Variants in CSMD1 observed in about 807,000 individuals in gnomAD.
The protein encoded by CSMD1 is CUB and sushi domain-containing protein 1.
Under a neutral mutation model 417.5 loss-of-function variants are expected in CSMD1, and 213 were observed. That is an observed-to-expected ratio of 0.51 (90% CI 0.46 to 0.57). The LOEUF (loss-of-function observed/expected upper bound fraction) is 0.57, where lower values mean the gene tolerates loss of function less well. Among genes scored for constraint, CSMD1 ranks in the 20% least tolerant of loss-of-function variants. CSMD1 has a pLI of 0.00. For synonymous variants in CSMD1, 2,862 were observed against 1,736.8 expected, an observed-to-expected ratio of 1.65 and a Z score of -16.11; for missense variants, 6,923 against 4,529.7, an observed-to-expected ratio of 1.53 and a Z score of -15.17.
intron 5 of CSMD1, among the ~76,000 whole-genome samples, chr8:3,996,403 G>C (rs188282953): frequency 6.6e-6 from 1 of 152,066 alleles, no homozygotes; most frequent in East Asian, 1.9e-4. Context: ...GATTAGTAGA[G>C]CATATGTACT....
chr8:4,527,109 C>G (rs964833852), intron 2 of CSMD1, among the ~76,000 whole-genome samples: 41 of 152,094 alleles, frequency 2.7e-4, no homozygotes, highest in Admixed American at 3.9e-4. Flanking sequence ...AGGATTCTAA[C>G]TTGCTTTTAC....
At chr8:4,108,824 A>T (rs930144803) in intron 3 of CSMD1, among the ~76,000 whole-genome samples, 2 of 152,242 alleles carry the variant, frequency 1.3e-5, no homozygotes, top group African/African-American at 2.4e-5. Context: ...GGCAAAGACC[A>T]GCAGAGTTCT....
intron 11 of CSMD1, among the ~76,000 whole-genome samples, chr8:3,493,269 G>C (rs992301438): frequency 7.0e-6 from 1 of 143,818 alleles, no homozygotes; most frequent in Admixed American, 7.1e-5. Flanking sequence ...ACTGCAGCCT[G>C]GGTGATAGAG....
intron 5 of CSMD1, among the ~76,000 whole-genome samples, chr8:3,843,699 C>A (rs984196942): frequency 2.0e-5 from 3 of 152,158 alleles, no homozygotes; most frequent in Admixed American, 1.3e-4. Flanking sequence ...GTGGGTGGAA[C>A]ACAGACCTAG....
chr8:3,759,001 T>G (rs1797836634), intron 5 of CSMD1, among the ~76,000 whole-genome samples: 1 of 152,170 alleles, frequency 6.6e-6, no homozygotes, highest in African/African-American at 2.4e-5. Flanking sequence ...GCTGATACCT[T>G]TATAACTGGA....
intron 2 of CSMD1, among the ~76,000 whole-genome samples, chr8:4,554,431 G>A (rs931516591): frequency 1.2e-4 from 18 of 152,252 alleles, no homozygotes; most frequent in Admixed American, 5.9e-4. Context: ...ACAGGCCACC[G>A]CGCCCAGACA....
At chr8:3,252,523 CTTT>C (rs1025912883) in intron 26 of CSMD1, among the ~76,000 whole-genome samples, 1 of 152,108 alleles carries the variant, frequency 6.6e-6, no homozygotes, top group Admixed American at 6.5e-5. Flanking sequence ...CTAAAATTCT[CTTT>C]TTTTGTTGTG....
chr8:3,227,048 A>C (rs1798548018), intron 27 of CSMD1, among the ~76,000 whole-genome samples: 1 of 152,148 alleles, frequency 6.6e-6, no homozygotes, highest in African/African-American at 2.4e-5. Flanking sequence ...GTCAGAGAAA[A>C]CATTAATAAA....
Position 3,214,684 on chromosome 8 carries a change from T to G in CSMD1, c.4680A>C (p.Pro1560=). 1.3e-6 allele frequency: 2 copies of G among 1,550,026 alleles called. No homozygotes were observed. Among genetic ancestry groups the G allele is most frequent in the Non-Finnish European group, 1.7e-6 (2 of 1,146,248 alleles). Residue 1560 remains proline, a synonymous_variant, in exon 30 of 70, where the codon CCA becomes CCC. Transcript: ENST00000635120. ...TTCCTGGGTCAAAACAAGCTTCCCGTGGTTTCTCTGTGGAAGAAATGAATG... is the reference window on the plus strand; with the variant it reads ...TTCCTGGGTCAAAACAAGCTTCCCGGGGTTTCTCTGTGGAAGAAATGAATG... ...SGFAIEFKEK[P]REACFDPGNI...
At chr8:4,674,551 T>C (rs1230331009) in intron 1 of CSMD1, among the ~76,000 whole-genome samples, 1 of 152,074 alleles carries the variant, frequency 6.6e-6, no homozygotes, top group Non-Finnish European at 1.5e-5. Flanking sequence ...ACCATAATAG[T>C]ATTGAACAAA....
At chr8:3,218,103 G>C (rs1420990329) in intron 29 of CSMD1, among the ~76,000 whole-genome samples, 2 of 152,114 alleles carry the variant, frequency 1.3e-5, no homozygotes, top group Non-Finnish European at 2.9e-5. Context: ...TGTTTTCCTT[G>C]GATGTTAGTG....
chr8:3,598,323 T>C (rs758401467), intron 8 of CSMD1: 2 of 152,240 alleles, frequency 1.3e-5, no homozygotes, highest in Non-Finnish European at 2.9e-5. Flanking sequence ...TCTATGTAGT[T>C]ATGCATTTGA....
intron 5 of CSMD1, among the ~76,000 whole-genome samples, chr8:3,955,182 C>G (rs1335502425): frequency 6.6e-6 from 1 of 152,182 alleles, no homozygotes; most frequent in Non-Finnish European, 1.5e-5. Context: ...CCTCCACCAC[C>G]CGTGACCACG....
At chr8:3,198,851 C>A (rs545473292) in intron 33 of CSMD1, among the ~76,000 whole-genome samples, 1 of 152,160 alleles carries the variant, frequency 6.6e-6, no homozygotes, top group Non-Finnish European at 1.5e-5. Context: ...TTCTCCAGAT[C>A]TGAAGAAAAT....
intron 17 of CSMD1, among the ~76,000 whole-genome samples, chr8:3,388,341 C>A (rs936515594): frequency 2.6e-5 from 4 of 152,114 alleles, no homozygotes; most frequent in Admixed American, 2.0e-4. Flanking sequence ...TTTCTTTTCT[C>A]CTCTCACATT....
intron 1 of CSMD1, among the ~76,000 whole-genome samples, chr8:4,892,071 G>A (rs900277389): frequency 1.3e-5 from 2 of 152,108 alleles, no homozygotes; most frequent in South Asian, 2.1e-4. Flanking sequence ...AGAAGGTGCG[G>A]GAGGTAGGAA....
chr8:3,397,253 CA>C (rs1365391986), intron 16 of CSMD1, among the ~76,000 whole-genome samples: 1 of 152,114 alleles, frequency 6.6e-6, no homozygotes, highest in Non-Finnish European at 1.5e-5. Context: ...CACTTTGAGC[CA>C]AAGGATCCCA....
chr8:4,476,246 G>C (rs928580445), intron 2 of CSMD1, among the ~76,000 whole-genome samples: 1 of 152,006 alleles, frequency 6.6e-6, no homozygotes, highest in Non-Finnish European at 1.5e-5. Flanking sequence ...TATGCTAGAA[G>C]ATATTATACT....
At chr8:3,781,827 T>G (rs1306006157) in intron 5 of CSMD1, among the ~76,000 whole-genome samples, 1 of 152,204 alleles carries the variant, frequency 6.6e-6, no homozygotes, top group African/African-American at 2.4e-5. Context: ...ATGATTTTGC[T>G]CTCTATACTT....
Sources: allele counts gnomAD v4.1 joint callset (sites outside exome capture counted in the v4.1 genomes callset), GRCh38; gene constraint gnomAD v4.1.1; transcripts MANE v1.5; gene names NCBI Gene and HGNC (gene_info 2026-07-23, HGNC 2026-07-21).